Variants in MARCHF1 observed in about 807,000 individuals in gnomAD.
MARCHF1 encodes the protein membrane associated ring-CH-type finger 1, also known as E3 ubiquitin-protein ligase MARCHF1.
A neutral mutation model predicts 54.2 loss-of-function variants in MARCHF1; 40 were observed. The observed-to-expected ratio is 0.74, with a 90% CI of 0.57 to 0.96. The LOEUF is 0.96. Ranked by LOEUF, MARCHF1 falls within the 40% of genes least tolerant of loss-of-function variation. MARCHF1 has a pLI of 0.00. For synonymous variants in MARCHF1, 236 were observed against 236.3 expected (o/e 1.00, Z 0.01); for missense variants, 586 against 656.5 (o/e 0.89, Z 1.17).
intron 1 of MARCHF1, among the ~76,000 whole-genome samples, chr4:164,352,414 C>G (rs1341227422): frequency 1.4e-5 from 2 of 144,066 alleles, no homozygotes; most frequent in Admixed American, 7.0e-5. Context: ...GCGGATCTCT[C>G]GACAGAAACC....
intron 2 of MARCHF1, among the ~76,000 whole-genome samples, chr4:164,039,957 C>A (rs1754088742): frequency 6.8e-6 from 1 of 146,792 alleles, no homozygotes; most frequent in Admixed American, 6.9e-5. Context: ...ATAAATTTCA[C>A]CTCATGAAAT....
chr4:163,802,814 A>C (rs1748118599), intron 4 of MARCHF1, among the ~76,000 whole-genome samples: 1 of 152,210 alleles, frequency 6.6e-6, no homozygotes, highest in South Asian at 2.1e-4. Context: ...CTAAGCATAG[A>C]TCAGTCAAGG....
At chr4:163,884,004 G>C (rs1750476770) in intron 3 of MARCHF1, among the ~76,000 whole-genome samples, 1 of 152,138 alleles carries the variant, frequency 6.6e-6, no homozygotes, top group Non-Finnish European at 1.5e-5. Flanking sequence ...TATTAAAATA[G>C]TGGGATAAGA....
chr4:163,737,162 TTC>T lies in MARCHF1; in HGVS notation c.112-36301_112-36300del, dbSNP rs1186764053. On this transcript the variant is annotated intron_variant, in intron 4 of 9. Coordinates refer to ENST00000514618, the MANE Select transcript of MARCHF1 (RefSeq NM_001394959.1). ...TTATCAGCGCTCGCAGCTTTTTTCT[TTC>T]TTTTTTTTTTTTTTTTTTCACATAT... Among the ~76,000 whole-genome samples, 408 of 54,232 alleles carry T rather than the reference TTC, an allele frequency of 7.5e-3. 29 individuals are homozygous for T. The highest frequency in any genetic ancestry group is 0.015 in the African/African-American group (302 of 20,412). 35.6% of individuals were successfully genotyped at this position (54,232 alleles called of 152,430 possible).
At chr4:163,650,585 C>T (rs960520470) in intron 5 of MARCHF1, among the ~76,000 whole-genome samples, 2 of 151,862 alleles carry the variant, frequency 1.3e-5, no homozygotes, top group Non-Finnish European at 2.9e-5. Flanking sequence ...TGTTAGTTCT[C>T]TTCTTTCTTA....
At chr4:164,212,825 C>G (rs1731815497) in intron 1 of MARCHF1, among the ~76,000 whole-genome samples, 1 of 152,088 alleles carries the variant, frequency 6.6e-6, no homozygotes, top group African/African-American at 2.4e-5. Flanking sequence ...CCCCATTTTA[C>G]AAGAGTGAAA....
chr4:164,291,454 A>G (rs1314943105), intron 1 of MARCHF1, among the ~76,000 whole-genome samples: 1 of 152,074 alleles, frequency 6.6e-6, no homozygotes, highest in Non-Finnish European at 1.5e-5. Flanking sequence ...TTTACATGCC[A>G]TAAGACATAA....
chr4:163,590,859 A>G (rs1434865849), intron 7 of MARCHF1, among the ~76,000 whole-genome samples: 1 of 151,988 alleles, frequency 6.6e-6, no homozygotes. Context: ...GTTGTAAAAA[A>G]TGTTGGGAAA....
At chr4:164,146,479 A>C (rs1296057373) in intron 1 of MARCHF1, among the ~76,000 whole-genome samples, 1 of 152,206 alleles carries the variant, frequency 6.6e-6, no homozygotes, top group Non-Finnish European at 1.5e-5. Context: ...ACAGAGATAT[A>C]GATCAATGGA....
At chr4:163,938,031 A>C (rs1211377351) in intron 3 of MARCHF1, among the ~76,000 whole-genome samples, 1 of 152,144 alleles carries the variant, frequency 6.6e-6, no homozygotes, top group Non-Finnish European at 1.5e-5. Flanking sequence ...TTTTAAAAAC[A>C]GGAGATGATC....
At chr4:164,144,183 G>A (rs1432145509) in intron 1 of MARCHF1, among the ~76,000 whole-genome samples, 1 of 150,222 alleles carries the variant, frequency 6.7e-6, no homozygotes, top group Non-Finnish European at 1.5e-5. Flanking sequence ...AGTCCTGACT[G>A]ACCTACAAAG....
At chr4:163,900,707 A>G (rs1192706667) in intron 3 of MARCHF1, among the ~76,000 whole-genome samples, 2 of 152,076 alleles carry the variant, frequency 1.3e-5, no homozygotes, top group African/African-American at 4.8e-5. Flanking sequence ...CTCATTTTAG[A>G]TATTTTGTCT....
chr4:163,873,507 C>T (rs1750224229), intron 3 of MARCHF1, among the ~76,000 whole-genome samples: 1 of 152,166 alleles, frequency 6.6e-6, no homozygotes, highest in Middle Eastern at 3.2e-3. Context: ...TGCATGGCAT[C>T]CACAAGGTTC....
intron 5 of MARCHF1, among the ~76,000 whole-genome samples, chr4:163,659,384 C>A (rs963549219): frequency 3.9e-5 from 6 of 152,010 alleles, no homozygotes; most frequent in Non-Finnish European, 8.8e-5. Flanking sequence ...CTTCCTTACA[C>A]CTTATACAAA....
At chr4:163,950,090 G>A (rs1027540250) in intron 3 of MARCHF1, among the ~76,000 whole-genome samples, 3 of 152,184 alleles carry the variant, frequency 2.0e-5, no homozygotes, top group African/African-American at 7.2e-5. Flanking sequence ...TGGCCCTCAG[G>A]GCACAGGCCA....
At chr4:164,068,582 G>C (rs981711327) in intron 2 of MARCHF1, among the ~76,000 whole-genome samples, 5 of 152,220 alleles carry the variant, frequency 3.3e-5, no homozygotes, top group African/African-American at 1.2e-4. Flanking sequence ...GGCCTTAGGT[G>C]CCTCCCTGCG....
intron 1 of MARCHF1, among the ~76,000 whole-genome samples, chr4:164,220,541 A>G (rs145469518): frequency 0.023 from 3,400 of 145,620 alleles, 145 homozygotes; most frequent in East Asian, 0.15. Context: ...ATATATCTAT[A>G]TATGTACTAT....
intron 1 of MARCHF1, among the ~76,000 whole-genome samples, chr4:164,290,034 T>G (rs1178459055): frequency 6.6e-6 from 1 of 151,372 alleles, no homozygotes; most frequent in South Asian, 2.1e-4. Context: ...CACACACACA[T>G]ACACACACAC....
intron 2 of MARCHF1, among the ~76,000 whole-genome samples, chr4:164,010,188 T>C (rs1753388662): frequency 1.4e-5 from 2 of 147,410 alleles, no homozygotes; most frequent in Non-Finnish European, 3.0e-5. Flanking sequence ...TGCCTCAGCC[T>C]CCCAAGTAGC....
Sources: gnomAD v4.1 joint callset for allele counts (sites outside exome capture counted in the v4.1 genomes callset) on GRCh38, gnomAD v4.1.1 for gene constraint, MANE v1.5 for transcripts, NCBI Gene and HGNC (gene_info 2026-07-23, HGNC 2026-07-21) for gene names.